Variants in DACH1 observed in about 807,000 individuals in gnomAD.
DACH1 encodes the protein dachshund homolog 1.
A neutral mutation model predicts 54.2 loss-of-function variants in DACH1; 12 were observed. The observed-to-expected ratio is 0.22, with a 90% confidence interval of 0.14 to 0.36. DACH1 has a LOEUF of 0.36. DACH1 is among the 10% of genes least tolerant of loss of function. The pLI, the probability that DACH1 is intolerant of heterozygous loss-of-function variation, is 1.00. For synonymous variants in DACH1, 386 were observed against 366.2 expected (o/e 1.05, Z -0.62); for missense variants, 805 against 929.8 (o/e 0.87, Z 1.75).
At chr13:71,565,746 G>A (rs530984640) in intron 4 of DACH1, among the ~76,000 whole-genome samples, 3 of 152,176 alleles carry the variant, frequency 2.0e-5, no homozygotes, top group Non-Finnish European at 4.4e-5. Flanking sequence ...GCAAGACCCC[G>A]TGAAACAACT....
At chr13:71,559,226 T>C (rs1454020210) in intron 5 of DACH1, among the ~76,000 whole-genome samples, 1 of 152,138 alleles carries the variant, frequency 6.6e-6, no homozygotes, top group African/African-American at 2.4e-5. Flanking sequence ...AGCCCTACTT[T>C]CCAAATTTTA....
At chr13:71,640,464 G>C (rs536155217) in intron 2 of DACH1, among the ~76,000 whole-genome samples, 10 of 152,020 alleles carry the variant, frequency 6.6e-5, no homozygotes, top group Middle Eastern at 3.4e-3. Context: ...GCACAATGAG[G>C]AAGAAATAAA....
At chr13:71,486,531 G>A (rs1033900810) in intron 7 of DACH1, among the ~76,000 whole-genome samples, 5 of 151,978 alleles carry the variant, frequency 3.3e-5, no homozygotes, top group African/African-American at 1.2e-4. Context: ...GCATCTGCAA[G>A]CTTTTGTAAA....
intron 10 of DACH1, among the ~76,000 whole-genome samples, chr13:71,465,124 A>G (rs1876450301): frequency 6.6e-6 from 1 of 152,088 alleles, no homozygotes. Context: ...AAGCATTTTT[A>G]TATTTATAGT....
intron 10 of DACH1, among the ~76,000 whole-genome samples, chr13:71,445,844 T>C (rs950045097): frequency 1.3e-5 from 2 of 152,216 alleles, no homozygotes; most frequent in Non-Finnish European, 2.9e-5. Context: ...AACAGGCTTC[T>C]GAATTATGGG....
intron 6 of DACH1, among the ~76,000 whole-genome samples, chr13:71,543,795 C>A (rs1197760872): frequency 1.3e-5 from 2 of 152,110 alleles, no homozygotes; most frequent in African/African-American, 4.8e-5. Flanking sequence ...TAGTCTCTGT[C>A]CCATCTGTAA....
At chr13:71,843,118 T>C (rs1872988672) in intron 1 of DACH1, among the ~76,000 whole-genome samples, 1 of 152,190 alleles carries the variant, frequency 6.6e-6, no homozygotes, top group African/African-American at 2.4e-5. Context: ...GTAGTAGGTG[T>C]ATACGTTACA....
At chr13:71,477,428 A>C (rs1566283268) in intron 8 of DACH1, among the ~76,000 whole-genome samples, 1 of 151,860 alleles carries the variant, frequency 6.6e-6, no homozygotes, top group African/African-American at 2.4e-5. Flanking sequence ...GCCTATTATT[A>C]ATATTTTTAA....
chr13:71,743,430 G>C (rs1028628490), intron 1 of DACH1, among the ~76,000 whole-genome samples: 3 of 152,204 alleles, frequency 2.0e-5, no homozygotes, highest in African/African-American at 7.2e-5. Context: ...AATCAGGACT[G>C]CTGATTATTA....
intron 1 of DACH1, among the ~76,000 whole-genome samples, chr13:71,703,269 T>C (rs1013822904): frequency 6.8e-6 from 1 of 147,836 alleles, no homozygotes; most frequent in Non-Finnish European, 1.5e-5. Context: ...GTTTTCCTCC[T>C]TTTTTAATTT....
At chr13:71,790,327 G>C (rs1050518593) in intron 1 of DACH1, among the ~76,000 whole-genome samples, 1 of 152,104 alleles carries the variant, frequency 6.6e-6, no homozygotes, top group African/African-American at 2.4e-5. Context: ...TTTAACTGAA[G>C]CATCTCTAGA....
chr13:71,585,674 G>A (rs1254977273), intron 3 of DACH1, among the ~76,000 whole-genome samples: 2 of 152,134 alleles, frequency 1.3e-5, no homozygotes, highest in Non-Finnish European at 2.9e-5. Flanking sequence ...AATTAGGTAG[G>A]CTAGGACCAG....
chr13:71,773,527 C>A (rs1186647797), intron 1 of DACH1, among the ~76,000 whole-genome samples: 1 of 151,842 alleles, frequency 6.6e-6, no homozygotes, highest in Non-Finnish European at 1.5e-5. Flanking sequence ...ACCAAAGCAC[C>A]AATTTTTGGT....
chr13:71,481,407 T>C (rs1566285791), intron 7 of DACH1, among the ~76,000 whole-genome samples: 1 of 152,232 alleles, frequency 6.6e-6, no homozygotes, highest in Non-Finnish European at 1.5e-5. Flanking sequence ...AAACTGCAAC[T>C]CTAATTTGTG....
chr13:71,499,103 G>A (rs1879684180), intron 6 of DACH1, among the ~76,000 whole-genome samples: 2 of 132,488 alleles, frequency 1.5e-5, no homozygotes, highest in African/African-American at 5.4e-5. Flanking sequence ...ACACACATGC[G>A]AGCACGCGCA....
rs191073504 is a variant in DACH1, at chr13:71,526,479, C to A, written c.1570+30545G>T. On this transcript the variant is annotated intron_variant, in intron 6 of 10. Transcript: ENST00000613252. ...TGGTTAAGAGCACACATACTGACTA[C>A]AAATATCTTCTGGTATCTATTTCTT... is the stretch of plus-strand genomic sequence containing the variant. 2.0e-3 allele frequency among the ~76,000 whole-genome samples: 306 copies of A among 152,114 alleles called. 1 individual carries two copies. Among genetic ancestry groups the A allele is most frequent in the African/African-American group, 6.2e-3 (256 of 41,556 alleles).
At chr13:71,843,372 C>A (rs1308589863) in intron 1 of DACH1, among the ~76,000 whole-genome samples, 1 of 152,022 alleles carries the variant, frequency 6.6e-6, no homozygotes, top group Non-Finnish European at 1.5e-5. Flanking sequence ...TCAACCAATC[C>A]TCTCCCCTCA....
intron 6 of DACH1, among the ~76,000 whole-genome samples, chr13:71,523,814 G>A (rs578058532): frequency 1.3e-5 from 2 of 152,072 alleles, no homozygotes; most frequent in South Asian, 2.1e-4. Context: ...CTCGAATAAC[G>A]TGTTTTGTCA....
chr13:71,713,124 G>T (rs1223817987), intron 1 of DACH1, among the ~76,000 whole-genome samples: 1 of 150,384 alleles, frequency 6.6e-6, no homozygotes, highest in Non-Finnish European at 1.5e-5. Context: ...TGTAACCATG[G>T]TAAAACAATA....
Sources: allele counts gnomAD v4.1 joint callset (sites outside exome capture counted in the v4.1 genomes callset), GRCh38; gene constraint gnomAD v4.1.1; transcripts MANE v1.5; gene names NCBI Gene and HGNC (gene_info 2026-07-23, HGNC 2026-07-21).